SLC5A3: variants seen among roughly 807,000 people sequenced by gnomAD.
SLC5A3 encodes the protein sodium/myo-inositol cotransporter.
Under a neutral mutation model 43.2 loss-of-function variants are expected in SLC5A3, and 10 were observed. The ratio of observed to expected loss-of-function variants is 0.23; its 90% CI spans 0.14 to 0.39. The LOEUF is 0.39. SLC5A3 is among the 10% of genes least tolerant of loss of function. SLC5A3 has a pLI of 1.00. For missense variants in SLC5A3, 608 were observed against 893.4 expected, an observed-to-expected ratio of 0.68 and a Z score of 4.07; for synonymous variants, 349 against 322.0, an observed-to-expected ratio of 1.08 and a Z score of -0.90.
rs560364321 is a variant in SLC5A3, at chr21:34,079,458, CAG to C, written c.-337+5716_-337+5717del. 1.3e-4 allele frequency among the ~76,000 whole-genome samples: 20 copies of C among 152,028 alleles called. No homozygotes were observed. The South Asian group carries it at 4.0e-3, about 30-fold the overall frequency. On this transcript the variant is annotated intron_variant, in intron 1 of 1. Transcript: ENST00000381151. Reference sequence around the variant, plus strand: ...TCTTCTTCTTTCTGTTTTTTTGAGACAGAGTCTTGCTGTGTTGCCTAGGCTGG... The same window carrying C: ...TCTTCTTCTTTCTGTTTTTTTGAGACAGTCTTGCTGTGTTGCCTAGGCTGG...
chr21:34,097,171 T>C lies in SLC5A3; in HGVS notation c.1973T>C (p.Ile658Thr), dbSNP rs755529407. Residue 658 changes from isoleucine to threonine, a missense_variant, in exon 2 of 2, where the codon ATA becomes ACA. This residue lies in a region of SLC5A3 where 210 missense variants were observed against 224.8 expected (regional missense o/e 0.93). Transcript: ENST00000381151. ...TDDGGRYWKF[I>T]DWFCGFKSKS... ...GATGGAGGTCGGTACTGGAAGTTCATAGACTGGTTTTGTGGCTTTAAAAGT... is the reference window on the plus strand; with the variant it reads ...GATGGAGGTCGGTACTGGAAGTTCACAGACTGGTTTTGTGGCTTTAAAAGT... 1.2e-6 allele frequency: 2 copies of C among 1,613,984 alleles called. No individual in the cohort carries two copies. The highest frequency in any genetic ancestry group is 2.2e-5 in the South Asian group (2 of 91,084).
At position 34,103,726 on chromosome 21, in the gene SLC5A3, C is replaced by T. The variant is rs533827539; in HGVS notation, c.*6371C>T. The T allele has an allele frequency of 6.4e-5, 64 of 999,790 alleles. No individual in the cohort carries two copies. Among genetic ancestry groups the T allele is most frequent in the Admixed American group, 1.8e-4 (3 of 16,258 alleles). 61.9% of individuals were successfully genotyped at this position (999,790 alleles called of 1,614,324 possible). On this transcript the variant is annotated 3_prime_UTR_variant, in exon 2 of 2. Transcript: ENST00000381151. ...CAGTATTGATAAGCCCAAGACAATG[C>T]GGTATCTAAACTGGTCCTAATGGTA... is the stretch of plus-strand genomic sequence containing the variant.
intron 1 of SLC5A3, among the ~76,000 whole-genome samples, chr21:34,074,410 C>T (rs1391273227): frequency 6.6e-6 from 1 of 152,244 alleles, no homozygotes; most frequent in Non-Finnish European, 1.5e-5. Context: ...TTTCATTCAT[C>T]CAAGTTGTGG....
intron 1 of SLC5A3, among the ~76,000 whole-genome samples, chr21:34,081,914 A>G (rs766310890): frequency 1.3e-5 from 2 of 152,188 alleles, no homozygotes; most frequent in African/African-American, 2.4e-5. Flanking sequence ...CTTGTTAAGT[A>G]AATGTTTGAA....
At chr21:34,082,236 T>C (rs1478561905) in intron 1 of SLC5A3, among the ~76,000 whole-genome samples, 6 of 152,218 alleles carry the variant, frequency 3.9e-5, no homozygotes, top group African/African-American at 1.4e-4. Context: ...AATTGGTCAC[T>C]GGTTTGCAGT....
chr21:34,076,491 A>G (rs771176811), intron 1 of SLC5A3, among the ~76,000 whole-genome samples: 1 of 152,126 alleles, frequency 6.6e-6, no homozygotes, highest in African/African-American at 2.4e-5. Context: ...TTCCAATACT[A>G]TGTTTTTCTC....
chr21:34,093,632 G>A (rs543497726), intron 1 of SLC5A3, among the ~76,000 whole-genome samples: 40 of 149,804 alleles, frequency 2.7e-4, no homozygotes, highest in Admixed American at 3.3e-4. Context: ...TGCCTTATTG[G>A]AAAAGGAGAA....
At chr21:34,092,855 G>T (rs560683773) in intron 1 of SLC5A3, among the ~76,000 whole-genome samples, 9 of 152,302 alleles carry the variant, frequency 5.9e-5, no homozygotes, top group African/African-American at 1.9e-4. Flanking sequence ...CCATTGGGAA[G>T]AGTGATACCT....
In SLC5A3 at chr21:34,073,613, T is replaced by G; in HGVS notation, c.-469T>G. 2 of 1,205,984 alleles carry G rather than the reference T, an allele frequency of 1.7e-6. No homozygotes were observed. The highest frequency in any genetic ancestry group is 1.3e-5 in the South Asian group (1 of 75,890). The allele number at this position is 1,205,984 out of a possible 1,614,324, so 74.7% of individuals were successfully genotyped here. ...CCTGGGAGCCGTCCGGCGCAGCAGT[T>G]TCTAGGTCCCCACTGTCCCCGCCGT... On this transcript the variant is annotated 5_prime_UTR_variant, in exon 1 of 2. Transcript: ENST00000381151.
At position 34,096,706 on chromosome 21, in the gene SLC5A3, C is replaced by A; in HGVS notation, c.1508C>A (p.Pro503Gln). 6.2e-7 allele frequency: 1 copy of A among 1,614,024 alleles called. No individual in the cohort carries two copies. Among genetic ancestry groups the A allele is most frequent in the Non-Finnish European group, 8.5e-7 (1 of 1,179,990 alleles). ...GAATGTGACCAACCTGATAATAGGC[C>A]GGGCTTCATCAAAGACATCCATTAT... ...APECDQPDNR[P>Q]GFIKDIHYMY... The change falls in exon 2 of 2, where the codon CCG becomes CAG. Residue 503 changes from proline to glutamine, a missense_variant. Physicochemically the swap from Pro to Gln is moderately conservative, Grantham distance 76. Coordinates refer to ENST00000381151, the MANE Select transcript of SLC5A3 (RefSeq NM_006933.7). This position sits in a 1 kb window ranked among gnomAD's most constrained non-coding sequence, Gnocchi z 5.9.
At chr21:34,088,671 T>G (rs534364755) in intron 1 of SLC5A3, among the ~76,000 whole-genome samples, 5 of 152,216 alleles carry the variant, frequency 3.3e-5, no homozygotes, top group Non-Finnish European at 7.3e-5. Flanking sequence ...TTTAGACATA[T>G]AGATGTGAGG....
rs1159748666 is a variant in SLC5A3 at position 34,100,477 on chromosome 21, C to T, written c.*3122C>T. On this transcript the variant is annotated 3_prime_UTR_variant, in exon 2 of 2. Transcript: ENST00000381151. Reference sequence around the variant, plus strand: ...GAAGCATCAAGCAATAGCAATGGTGCTGTGTCCTTCGGCCTAAATTCAATA... The same window carrying T: ...GAAGCATCAAGCAATAGCAATGGTGTTGTGTCCTTCGGCCTAAATTCAATA... 57 of 1,000,076 alleles carry T rather than the reference C, an allele frequency of 5.7e-5. No homozygotes were observed. Among genetic ancestry groups the T allele is most frequent in the Non-Finnish European group, 6.6e-5 (55 of 829,954 alleles). 62.0% of individuals were successfully genotyped at this position (1,000,076 alleles called of 1,614,324 possible). A position where few individuals can be genotyped will look rare whatever the true frequency, so the allele number is the denominator to read the frequency against.
chr21:34,079,584 C>T (rs548978519), intron 1 of SLC5A3, among the ~76,000 whole-genome samples: 16 of 141,694 alleles, frequency 1.1e-4, no homozygotes, highest in Admixed American at 2.9e-4. Flanking sequence ...TACAGGCATG[C>T]GCCACCAGAC....
rs183946047 is a variant in SLC5A3 at position 34,090,093 on chromosome 21, A to T, written c.-336-4770A>T. 1.7e-3 allele frequency among the ~76,000 whole-genome samples: 255 copies of T among 152,264 alleles called. 2 individuals carry two copies. Among genetic ancestry groups the T allele is most frequent in the Middle Eastern group, 6.8e-3 (2 of 294 alleles). ...GTTCTCAAAAAGTTTTGGATTTGGG[A>T]GGAGCATTTCAGATTTTGTATTTTT... On this transcript the variant is annotated intron_variant, in intron 1 of 1. Coordinates refer to ENST00000381151, the MANE Select transcript of SLC5A3 (RefSeq NM_006933.7).
Position 34,097,759 on chromosome 21 carries a change from T to C in SLC5A3, c.*404T>C, listed in dbSNP as rs556905240. The C allele has an allele frequency of 1.0e-6, 1 of 1,004,326 alleles. No homozygotes were observed. Among genetic ancestry groups the C allele is most frequent in the East Asian group, 1.1e-4 (1 of 8,968 alleles). The allele number at this position is 1,004,326 out of a possible 1,614,324, so 62.2% of individuals were successfully genotyped here. On this transcript the variant is annotated 3_prime_UTR_variant, in exon 2 of 2. Coordinates refer to ENST00000381151, the MANE Select transcript of SLC5A3 (RefSeq NM_006933.7). ...ATTTCTAAATTTTTTTTTCTGTCTC[T>C]GTAATCCCTCCTACCATTAAGAAAA...
At position 34,096,947 on chromosome 21, in the gene SLC5A3, C is replaced by T. The variant is rs1474373806; in HGVS notation, c.1749C>T (p.Asn583=). 9 of 1,614,086 alleles carry T rather than the reference C, an allele frequency of 5.6e-6. No individual in the cohort carries two copies. The highest frequency in any genetic ancestry group is 2.2e-5 in the South Asian group (2 of 91,080). Residue 583 remains asparagine, a synonymous_variant, in exon 2 of 2, where the codon AAC becomes AAT. Coordinates refer to ENST00000381151, the MANE Select transcript of SLC5A3 (RefSeq NM_006933.7). This position sits in a 1 kb window ranked among gnomAD's most constrained non-coding sequence, Gnocchi z 5.9. Reference sequence around the variant, plus strand: ...GCAGTGAGAATAATGAGACCATCAACCACATCATTCCCAACGGGAAATCTG... The same window carrying T: ...GCAGTGAGAATAATGAGACCATCAATCACATCATTCCCAACGGGAAATCTG... ...LRCSENNETI[N]HIIPNGKSED...
At chr21:34,078,962 CCTTA>C (rs1427404569) in intron 1 of SLC5A3, among the ~76,000 whole-genome samples, 2 of 152,144 alleles carry the variant, frequency 1.3e-5, no homozygotes, top group African/African-American at 2.4e-5. Context: ...TTAGGGGAAT[CCTTA>C]CTTAAGGAAT....
In SLC5A3 at chr21:34,099,680, C is replaced by T. The variant is rs1265791747; in HGVS notation, c.*2325C>T. On this transcript the variant is annotated 3_prime_UTR_variant, in exon 2 of 2. Transcript: ENST00000381151. The stretch of plus-strand genomic sequence containing the variant: ...AGGGTCCCTCTACCTTCTTTCTGCT[C>T]TTGTCTTAGTAAGATACATAAGGTA... 8.0e-6 allele frequency: 8 copies of T among 997,598 alleles called. No homozygotes were observed. Among genetic ancestry groups the T allele is most frequent in the Non-Finnish European group, 9.6e-6 (8 of 829,534 alleles). 61.8% of individuals were successfully genotyped at this position (997,598 alleles called of 1,614,324 possible). A position where few individuals can be genotyped will look rare whatever the true frequency, so the allele number is the denominator to read the frequency against.
chr21:34,095,158 C>T lies in SLC5A3; in HGVS notation c.-41C>T, dbSNP rs377054525. On this transcript the variant is annotated 5_prime_UTR_variant, in exon 2 of 2. Transcript: ENST00000381151. Reference sequence around the variant, plus strand: ...TACTAAAAATAAATAAAAAGTTGGACACTTCTGTCATTGGAGCGCTATTAT... The same window carrying T: ...TACTAAAAATAAATAAAAAGTTGGATACTTCTGTCATTGGAGCGCTATTAT... The T allele has an allele frequency of 1.7e-5, 25 of 1,434,606 alleles. No homozygotes were observed. The highest frequency in any genetic ancestry group is 2.5e-5 in the African/African-American group (1 of 40,022). 88.9% of individuals were successfully genotyped at this position (1,434,606 alleles called of 1,614,324 possible).
Sources: allele counts gnomAD v4.1 joint callset (sites outside exome capture counted in the v4.1 genomes callset), GRCh38; gene constraint gnomAD v4.1.1; regional missense constraint gnomAD v4.1.1; non-coding constraint Gnocchi (gnomAD v3.1); transcripts MANE v1.5; gene names NCBI Gene and HGNC (gene_info 2026-07-23, HGNC 2026-07-21).